VPS13C: variants seen among roughly 807,000 people sequenced by gnomAD.
VPS13C encodes intermembrane lipid transfer protein VPS13C.
In VPS13C, 358 loss-of-function variants were observed where a neutral mutation model predicts 456.8. That is an observed-to-expected ratio of 0.78 (90% CI 0.72 to 0.86). VPS13C has a LOEUF of 0.86. Ranked by LOEUF, VPS13C falls within the 40% of genes least tolerant of loss-of-function variation. The pLI is 0.00. For synonymous variants in VPS13C, 1,578 were observed against 1,486.7 expected (o/e 1.06, Z -1.41); for missense variants, 4,818 against 4,385.4 (o/e 1.10, Z -2.79).
intron 6 of VPS13C, among the ~76,000 whole-genome samples, chr15:62,025,226 G>T (rs12591156): frequency 0.44 from 65,985 of 151,556 alleles, 15,546 homozygotes; most frequent in Admixed American, 0.56. Context: ...ATTTTTAATT[G>T]GTTCTTCCTT....
intron 27 of VPS13C, among the ~76,000 whole-genome samples, chr15:61,972,164 T>C (rs529847405): frequency 7.9e-5 from 12 of 152,204 alleles, no homozygotes; most frequent in Non-Finnish European, 1.5e-4. Flanking sequence ...TGACATACCG[T>C]GAACATCTCT....
At chr15:61,960,197 A>G (rs1347968004) in intron 35 of VPS13C, among the ~76,000 whole-genome samples, 2 of 152,218 alleles carry the variant, frequency 1.3e-5, no homozygotes, top group Non-Finnish European at 2.9e-5. Flanking sequence ...CAATCAAACC[A>G]TGAGGAATCA....
At chr15:62,055,406 T>TA (rs1434168998) in intron 1 of VPS13C, among the ~76,000 whole-genome samples, 5 of 148,336 alleles carry the variant, frequency 3.4e-5, no homozygotes, top group Non-Finnish European at 7.5e-5. Flanking sequence ...TTTTTGTATT[T>TA]TTTTTTTTTT....
chr15:61,862,840 CCTTACT>C (rs1189640436), intron 82 of VPS13C, among the ~76,000 whole-genome samples: 1 of 152,064 alleles, frequency 6.6e-6, no homozygotes, highest in Non-Finnish European at 1.5e-5. Context: ...AAGAACTTTG[CCTTACT>C]CTTATAAAGC....
intron 67 of VPS13C, among the ~76,000 whole-genome samples, chr15:61,885,009 T>C (rs1189576580): frequency 6.6e-6 from 1 of 152,118 alleles, no homozygotes; most frequent in Non-Finnish European, 1.5e-5. Context: ...ACAAATGAAT[T>C]TTGAAATGTG....
At chr15:61,879,562 A>G (rs1895704716) in intron 73 of VPS13C, 1 of 152,096 alleles carries the variant, frequency 6.6e-6, no homozygotes, top group African/African-American at 2.4e-5. Flanking sequence ...TGTTGTTCAT[A>G]ATCTTTGCCA....
At position 61,929,735 on chromosome 15, in the gene VPS13C, T is replaced by C; in HGVS notation, c.6052A>G (p.Lys2018Glu). 3 of 1,611,362 alleles carry C rather than the reference T, an allele frequency of 1.9e-6. No individual in the cohort carries two copies. The highest frequency in any genetic ancestry group is 1.1e-5 in the South Asian group (1 of 90,680). ...ERATSRMIDRKNDQDNNSSMI... is the reference protein window; with the variant it reads ...ERATSRMIDRENDQDNNSSMI... Reference sequence around the variant, plus strand: ...GAACTGTTGTTATCTTGGTCATTCTTTCTGTCAATCATTCTGAAAAAAAAC... The same window carrying C: ...GAACTGTTGTTATCTTGGTCATTCTCTCTGTCAATCATTCTGAAAAAAAAC... The change falls in exon 51 of 85, where the codon AAG becomes GAG. Residue 2018 changes from lysine (K) to glutamate (E), a missense_variant. By Grantham distance (56) the Lys-to-Glu change is moderately conservative. Coordinates refer to ENST00000644861, the MANE Select transcript of VPS13C (RefSeq NM_020821.3).
Position 62,007,454 on chromosome 15 carries a change from G to C in VPS13C, c.1144C>G (p.Leu382Val). 1 of 1,589,728 alleles carries C rather than the reference G, an allele frequency of 6.3e-7. No homozygotes were observed. The highest frequency in any genetic ancestry group is 1.2e-5 in the South Asian group (1 of 84,022). Reference sequence around the variant, plus strand: ...GTATACCTTCTTATATGAACTTCAAGAACAGAATCAATTGCATATTTCCAC... The same window carrying C: ...GTATACCTTCTTATATGAACTTCAACAACAGAATCAATTGCATATTTCCAC... ...RWWKYAIDSV[L>V]EVHIRRYTQM... Residue 382 changes from leucine (L) to valine (V), a missense_variant, in exon 15 of 85, where the codon CTT becomes GTT. Around this residue, in one of 3 missense-constraint regions of VPS13C, gnomAD observed 4,552 missense variants for 4,130.6 expected, o/e 1.10. Transcript: ENST00000644861.
At chr15:61,918,396 A>C in intron 58 of VPS13C, 139 bp from the exon 59 acceptor site, 1 of 753,602 alleles carries the variant, frequency 1.3e-6, no homozygotes, top group East Asian at 3.1e-5. Flanking sequence ...CAATTGAAAA[A>C]TTTTAGGGTA....
chr15:62,002,402 A>G (rs150166648), intron 15 of VPS13C, among the ~76,000 whole-genome samples: 18,602 of 151,950 alleles, frequency 0.12, 2,369 homozygotes, highest in African/African-American at 0.33. Context: ...TGAGTTCATT[A>G]TAGATTCTGG....
At chr15:61,874,765 T>G (rs1895288152) in intron 77 of VPS13C, 111 bp downstream of exon 77, 2 of 966,324 alleles carry the variant, frequency 2.1e-6, no homozygotes, top group Non-Finnish European at 2.9e-6. Flanking sequence ...AAGGGATTAT[T>G]AAGAAAGTGA....
At chr15:61,881,977 G>A (rs1895890926) in intron 69 of VPS13C, 149 bp from the exon 70 acceptor site, 1 of 722,500 alleles carries the variant, frequency 1.4e-6, no homozygotes, top group South Asian at 2.2e-5. Context: ...TTTTAAATCT[G>A]TAAAAGTTAC....
In VPS13C at chr15:61,922,687, T is replaced by G. The variant is rs1410810565; in HGVS notation, c.6685A>C (p.Lys2229Gln). The G allele has an allele frequency of 6.2e-7, 1 of 1,614,004 alleles. No homozygotes were observed. The highest frequency in any genetic ancestry group is 1.1e-5 in the South Asian group (1 of 91,056). Reference sequence around the variant, plus strand: ...TTTTCCATTTCCTTAGACGTATCTTTGGATCCATCTTCTTTTGTTTTTGGA... The same window carrying G: ...TTTTCCATTTCCTTAGACGTATCTTGGGATCCATCTTCTTTTGTTTTTGGA... ...LSPKTKEDGSKDTSKEMENLW... is the reference protein window; with the variant it reads ...LSPKTKEDGSQDTSKEMENLW... Residue 2229 changes from lysine (K) to glutamine (Q), a missense_variant, in exon 54 of 85, where the codon AAA becomes CAA. Physicochemically the swap from Lys to Gln is moderately conservative, Grantham distance 53. This residue lies in a region of VPS13C where 4,552 missense variants were observed against 4,130.6 expected (regional missense o/e 1.10). Transcript: ENST00000644861.
At position 61,867,143 on chromosome 15, in the gene VPS13C, T is replaced by C. The variant is rs777912954; in HGVS notation, c.10863+1516A>G. On this transcript the variant is annotated intron_variant, in intron 81 of 84. Coordinates refer to ENST00000644861, the MANE Select transcript of VPS13C (RefSeq NM_020821.3). This position sits in a 1 kb window ranked among gnomAD's most constrained non-coding sequence, Gnocchi z 5.0. ...AAATAAAGAAATCTATGTATTCAAG[T>C]GCCACACAGCAATTTGCCTAATTAC... 1.2e-5 allele frequency: 12 copies of C among 983,280 alleles called. No homozygotes were observed. The highest frequency in any genetic ancestry group is 1.4e-5 in the Non-Finnish European group (12 of 827,952). The allele number at this position is 983,280 out of a possible 1,614,324, so 60.9% of individuals were successfully genotyped here.
chr15:61,936,871 G>C (rs1441705547), intron 47 of VPS13C, 121 bp from the exon 48 acceptor site: 2 of 1,038,542 alleles, frequency 1.9e-6, no homozygotes, highest in African/African-American at 3.2e-5. Context: ...AAGAGAGTTA[G>C]AGTTAGGACT....
Position 61,894,718 on chromosome 15 carries a change from G to T in VPS13C, c.9106-4318C>A, listed in dbSNP as rs528949000. ...TTGTAAATATATGTACCCAACACCA[G>T]AGCAGCCAAATATATAAAGAAAATA... On this transcript the variant is annotated intron_variant, in intron 66 of 84. Coordinates refer to ENST00000644861, the MANE Select transcript of VPS13C (RefSeq NM_020821.3). 2.6e-5 allele frequency among the ~76,000 whole-genome samples: 4 copies of T among 152,226 alleles called. No homozygotes were observed. In the East Asian group the frequency reaches 7.7e-4, roughly 29 times the overall value.
At chr15:61,878,805 G>A in intron 73 of VPS13C, 59 bp from the exon 74 acceptor site, 1 of 1,519,576 alleles carries the variant, frequency 6.6e-7, no homozygotes, top group Non-Finnish European at 8.8e-7. Flanking sequence ...TACATATTTA[G>A]GATCCAGGTA....
chr15:61,940,530 GT>G (rs1488798393), intron 47 of VPS13C, 116 bp downstream of exon 47: 2 of 1,012,474 alleles, frequency 2.0e-6, no homozygotes, highest in African/African-American at 3.2e-5. Context: ...GAGAAAACTG[GT>G]TTAGCTTTAT....
chr15:62,037,055 T>C (rs1296463838), intron 3 of VPS13C, among the ~76,000 whole-genome samples: 1 of 148,008 alleles, frequency 6.8e-6, no homozygotes, highest in Non-Finnish European at 1.5e-5. Context: ...AAAGGGTCTC[T>C]CATAACTCAA....
Sources: gnomAD v4.1 joint callset for allele counts (sites outside exome capture counted in the v4.1 genomes callset) on GRCh38, gnomAD v4.1.1 for gene constraint, gnomAD v4.1.1 regional missense constraint, Gnocchi (gnomAD v3.1) non-coding constraint, MANE v1.5 for transcripts, NCBI Gene and HGNC (gene_info 2026-07-23, HGNC 2026-07-21) for gene names.